TSHZ2: variants seen among roughly 807,000 people sequenced by gnomAD.
TSHZ2 encodes the protein teashirt zinc finger homeobox 2.
In TSHZ2, 21 loss-of-function variants were observed where a neutral mutation model predicts 74.4. The observed-to-expected ratio is 0.28, with a 90% CI of 0.20 to 0.41. The LOEUF is 0.41. TSHZ2 is among the 10% of genes least tolerant of loss of function. TSHZ2 has a pLI of 1.00. For missense variants in TSHZ2, 1,244 were observed against 1,293.5 expected (o/e 0.96, Z 0.59); for synonymous variants, 540 against 515.3 (o/e 1.05, Z -0.65).
chr20:53,432,592 A>G (rs148194003), intron 2 of TSHZ2, among the ~76,000 whole-genome samples: 18 of 152,360 alleles, frequency 1.2e-4, no homozygotes, highest in Middle Eastern at 3.4e-3. Flanking sequence ...TTCCATCAGC[A>G]GCATATAAGC....
chr20:53,035,281 T>C (rs1983778094), intron 1 of TSHZ2, among the ~76,000 whole-genome samples: 1 of 152,196 alleles, frequency 6.6e-6, no homozygotes, highest in Non-Finnish European at 1.5e-5. Flanking sequence ...GAGACTGATC[T>C]GGGGATCAGG....
intron 1 of TSHZ2, among the ~76,000 whole-genome samples, chr20:53,132,313 AT>A (rs552180228): frequency 0.02 from 2,747 of 139,118 alleles, 27 homozygotes; most frequent in African/African-American, 0.027. Context: ...TCTGCCCCTA[AT>A]TTTTTTTTTT....
chr20:53,426,620 G>A lies in TSHZ2; in HGVS notation c.*9-60524G>A, dbSNP rs575491638. Reference sequence around the variant, plus strand: ...GATAAATGATGATTTTTATTTTAGCGGAAGTTTCAGCGCGTTTTCTGCCCA... The same window carrying A: ...GATAAATGATGATTTTTATTTTAGCAGAAGTTTCAGCGCGTTTTCTGCCCA... On this transcript the variant is annotated intron_variant, in intron 2 of 2. Coordinates refer to ENST00000371497, the MANE Select transcript of TSHZ2 (RefSeq NM_173485.6). 3.9e-5 allele frequency among the ~76,000 whole-genome samples: 6 copies of A among 152,172 alleles called. No homozygotes were observed. In the East Asian group the frequency reaches 9.7e-4, roughly 25 times the overall value.
intron 1 of TSHZ2, among the ~76,000 whole-genome samples, chr20:53,229,165 G>A (rs373069839): frequency 1.3e-5 from 2 of 152,096 alleles, no homozygotes; most frequent in Admixed American, 6.5e-5. Flanking sequence ...GGGAAGCATC[G>A]ATTGGCTATG....
intron 1 of TSHZ2, among the ~76,000 whole-genome samples, chr20:53,203,572 G>T (rs1051053145): frequency 6.6e-6 from 1 of 152,144 alleles, no homozygotes; most frequent in Admixed American, 6.5e-5. Flanking sequence ...GACATGAGAG[G>T]CTAAGAAGTG....
At chr20:53,017,034 C>A (rs1983062679) in intron 1 of TSHZ2, among the ~76,000 whole-genome samples, 1 of 152,126 alleles carries the variant, frequency 6.6e-6, no homozygotes, top group Admixed American at 6.5e-5. Context: ...CTGTTCATTA[C>A]CCCAGTGCCT....
At chr20:53,468,870 G>GCTAT (rs1448484185) in intron 2 of TSHZ2, among the ~76,000 whole-genome samples, 1 of 149,832 alleles carries the variant, frequency 6.7e-6, no homozygotes, top group African/African-American at 2.4e-5. Context: ...TGACCCGAAT[G>GCTAT]CTATCTATAT....
At chr20:53,114,829 G>T (rs1418103912) in intron 1 of TSHZ2, among the ~76,000 whole-genome samples, 1 of 152,058 alleles carries the variant, frequency 6.6e-6, no homozygotes. Flanking sequence ...GTGTGTGTTT[G>T]CCTCCAGCAA....
chr20:53,153,813 G>C (rs1987730107), intron 1 of TSHZ2, among the ~76,000 whole-genome samples: 1 of 152,124 alleles, frequency 6.6e-6, no homozygotes, highest in Non-Finnish European at 1.5e-5. Flanking sequence ...CCGTGGTCCT[G>C]CAGGTCAATA....
intron 1 of TSHZ2, among the ~76,000 whole-genome samples, chr20:53,019,233 G>A (rs372167309): frequency 1.4e-5 from 2 of 143,988 alleles, no homozygotes; most frequent in Non-Finnish European, 3.0e-5. Flanking sequence ...AAATAGACAA[G>A]TGTTAGTTGC....
chr20:53,023,929 T>G (rs1217703032), intron 1 of TSHZ2, among the ~76,000 whole-genome samples: 1 of 151,976 alleles, frequency 6.6e-6, no homozygotes, highest in Non-Finnish European at 1.5e-5. Flanking sequence ...GTTTGCACCA[T>G]TAGTGTTAAA....
chr20:53,377,969 G>A (rs769025542), intron 2 of TSHZ2, among the ~76,000 whole-genome samples: 6 of 152,084 alleles, frequency 3.9e-5, no homozygotes, highest in Admixed American at 3.3e-4. Flanking sequence ...TTTCCACTAC[G>A]GGAAATGTGA....
chr20:52,997,264 G>C (rs1000717907), intron 1 of TSHZ2, among the ~76,000 whole-genome samples: 188 of 136,988 alleles, frequency 1.4e-3, no homozygotes, highest in Non-Finnish European at 1.4e-3. Flanking sequence ...TGCCCCGGGG[G>C]GGGGTTCAGC....
intron 2 of TSHZ2, among the ~76,000 whole-genome samples, chr20:53,332,158 C>A (rs1157121299): frequency 1.3e-5 from 2 of 152,126 alleles, no homozygotes; most frequent in Admixed American, 1.3e-4. Context: ...CTGTGCTGAG[C>A]CTGGGACTCA....
chr20:53,119,470 C>A (rs1986753266), intron 1 of TSHZ2, among the ~76,000 whole-genome samples: 1 of 152,174 alleles, frequency 6.6e-6, no homozygotes, highest in South Asian at 2.1e-4. Context: ...TCAGAGCCCT[C>A]AGTGCAGTCA....
At chr20:53,476,030 C>T (rs1182308980) in intron 2 of TSHZ2, among the ~76,000 whole-genome samples, 2 of 135,602 alleles carry the variant, frequency 1.5e-5, no homozygotes, top group Non-Finnish European at 3.1e-5. Context: ...GCTTACCAAC[C>T]AAAAAGAGTC....
intron 1 of TSHZ2, among the ~76,000 whole-genome samples, chr20:52,999,949 G>A (rs553031052): frequency 6.6e-5 from 10 of 152,314 alleles, no homozygotes; most frequent in Non-Finnish European, 1.3e-4. Context: ...AGATGGTGAC[G>A]ATGATGATGG....
intron 2 of TSHZ2, among the ~76,000 whole-genome samples, chr20:53,302,677 T>C (rs759713018): frequency 2.0e-5 from 3 of 152,206 alleles, no homozygotes; most frequent in Non-Finnish European, 2.9e-5. Context: ...AAGTTCCTTA[T>C]TCTCAAGAAA....
chr20:53,250,914 T>TGC (rs1397840987), intron 1 of TSHZ2, among the ~76,000 whole-genome samples: 1 of 150,396 alleles, frequency 6.6e-6, no homozygotes, highest in Non-Finnish European at 1.5e-5. Context: ...TGTGTGTGTG[T>TGC]GTGTGTGTGT....
Sources: allele counts gnomAD v4.1 joint callset (sites outside exome capture counted in the v4.1 genomes callset), GRCh38; gene constraint gnomAD v4.1.1; transcripts MANE v1.5; gene names NCBI Gene and HGNC (gene_info 2026-07-23, HGNC 2026-07-21).